Variants in NCKAP5 observed in about 807,000 individuals in gnomAD.
NCKAP5 encodes NCK associated protein 5.
In NCKAP5, 92 loss-of-function variants were observed where a neutral mutation model predicts 167.0. The observed-to-expected ratio is 0.55, with a 90% confidence interval of 0.47 to 0.66. The LOEUF is 0.66. Ranked by LOEUF, NCKAP5 falls within the 30% of genes least tolerant of loss-of-function variation. The pLI is 0.00. For missense variants in NCKAP5, 2,378 were observed against 2,315.0 expected, an observed-to-expected ratio of 1.03 and a Z score of -0.56; for synonymous variants, 891 against 877.4, an observed-to-expected ratio of 1.02 and a Z score of -0.27.
intron 8 of NCKAP5, among the ~76,000 whole-genome samples, chr2:132,934,106 T>C (rs977163957): frequency 2.6e-5 from 4 of 152,208 alleles, no homozygotes; most frequent in Admixed American, 6.5e-5. Context: ...ATTAGAAAAG[T>C]CATTATAACT....
At chr2:133,154,393 A>G (rs1230937572) in intron 5 of NCKAP5, among the ~76,000 whole-genome samples, 1 of 152,238 alleles carries the variant, frequency 6.6e-6, no homozygotes. Flanking sequence ...TGCCGAGTGC[A>G]TAATCAACAA....
intron 6 of NCKAP5, among the ~76,000 whole-genome samples, chr2:133,057,566 G>A (rs1352404799): frequency 2.6e-5 from 4 of 152,176 alleles, no homozygotes; most frequent in Non-Finnish European, 5.9e-5. Flanking sequence ...TTAAGCCAAA[G>A]CCTAGCCTGC....
chr2:132,720,025 C>T (rs1409817906), intron 19 of NCKAP5, among the ~76,000 whole-genome samples: 1 of 152,148 alleles, frequency 6.6e-6, no homozygotes, highest in Non-Finnish European at 1.5e-5. Context: ...TACTTTTTAC[C>T]AGCAAGGTCC....
At chr2:133,065,356 G>A (rs2080155097) in intron 6 of NCKAP5, among the ~76,000 whole-genome samples, 1 of 152,210 alleles carries the variant, frequency 6.6e-6, no homozygotes, top group Non-Finnish European at 1.5e-5. Flanking sequence ...GCCAGGCATG[G>A]TGGCTTATGC....
intron 3 of NCKAP5, among the ~76,000 whole-genome samples, chr2:133,489,513 ACTT>A (rs1329439538): frequency 6.6e-6 from 1 of 152,184 alleles, no homozygotes; most frequent in Non-Finnish European, 1.5e-5. Flanking sequence ...GGCAATTTTT[ACTT>A]CTAACACACA....
chr2:133,387,356 G>A (rs1485190298), intron 3 of NCKAP5, among the ~76,000 whole-genome samples: 1 of 152,170 alleles, frequency 6.6e-6, no homozygotes, highest in East Asian at 1.9e-4. Flanking sequence ...TTTTCTTTAA[G>A]AATGTTGAAT....
intron 6 of NCKAP5, 88 bp from the exon 7 acceptor site, chr2:132,994,327 G>C (rs927665988): frequency 1.6e-5 from 14 of 869,158 alleles, no homozygotes; most frequent in Admixed American, 2.8e-5. Flanking sequence ...TCTTCTATGC[G>C]TATTTCCCAA....
chr2:133,020,907 T>C (rs2078504335), intron 6 of NCKAP5, among the ~76,000 whole-genome samples: 1 of 152,122 alleles, frequency 6.6e-6, no homozygotes, highest in Admixed American at 6.5e-5. Context: ...GCGGAGCCCA[T>C]GGAGTGGAAG....
intron 4 of NCKAP5, among the ~76,000 whole-genome samples, chr2:133,239,030 G>C (rs2087555572): frequency 1.3e-5 from 2 of 152,102 alleles, no homozygotes; most frequent in Admixed American, 1.3e-4. Context: ...GTTAAAACAG[G>C]ATTTAAAATA....
chr2:133,624,958 AC>A, the NCKAP5 span, among the ~76,000 whole-genome samples: 1 of 152,118 alleles, frequency 6.6e-6, no homozygotes, highest in Non-Finnish European at 1.5e-5. Context: ...AAACAAAGTA[AC>A]CTGTATCTGG....
intron 3 of NCKAP5, among the ~76,000 whole-genome samples, chr2:133,389,052 C>G (rs924073199): frequency 1.3e-5 from 2 of 152,238 alleles, no homozygotes; most frequent in African/African-American, 4.8e-5. Context: ...CCTGCACCCA[C>G]TGTCCGACAA....
chr2:133,275,982 C>T (rs1217096524), intron 4 of NCKAP5, among the ~76,000 whole-genome samples: 3 of 151,868 alleles, frequency 2.0e-5, no homozygotes, highest in Non-Finnish European at 4.4e-5. Flanking sequence ...GTCTCCCGTT[C>T]TACCTCCTCC....
intron 5 of NCKAP5, among the ~76,000 whole-genome samples, chr2:133,152,559 T>A (rs2083419517): frequency 1.3e-5 from 2 of 152,172 alleles, no homozygotes; most frequent in Non-Finnish European, 1.5e-5. Flanking sequence ...TTCAGATGAA[T>A]GAATAAACAG....
At chr2:132,813,756 T>G (rs1686061128) in intron 11 of NCKAP5, among the ~76,000 whole-genome samples, 1 of 152,176 alleles carries the variant, frequency 6.6e-6, no homozygotes. Flanking sequence ...GAAGGGAAAA[T>G]GCAATGTCAG....
At chr2:132,854,169 C>T (rs6745260) in intron 11 of NCKAP5, among the ~76,000 whole-genome samples, 2 of 152,170 alleles carry the variant, frequency 1.3e-5, no homozygotes, top group African/African-American at 4.8e-5. Flanking sequence ...AGGAATCCTA[C>T]CTTGATTTCC....
At chr2:133,222,673 C>T (rs1047452360) in intron 4 of NCKAP5, among the ~76,000 whole-genome samples, 1 of 152,138 alleles carries the variant, frequency 6.6e-6, no homozygotes, top group South Asian at 2.1e-4. Flanking sequence ...ATAGGGCCCC[C>T]GGAGGCTCCT....
At chr2:133,142,782 C>T (rs747907419) in intron 5 of NCKAP5, among the ~76,000 whole-genome samples, 3 of 152,100 alleles carry the variant, frequency 2.0e-5, no homozygotes, top group Non-Finnish European at 4.4e-5. Context: ...AAGCCTTTGT[C>T]GCTGTGGACA....
chr2:133,569,449 T>C (rs2105064610), upstream of NCKAP5, among the ~76,000 whole-genome samples: 1 of 152,340 alleles, frequency 6.6e-6, no homozygotes, highest in Middle Eastern at 3.4e-3. Context: ...GTATTTTTAG[T>C]TTGTTTTTTA....
At chr2:132,877,408 A>G (rs1386195285) in intron 9 of NCKAP5, among the ~76,000 whole-genome samples, 4 of 152,220 alleles carry the variant, frequency 2.6e-5, no homozygotes, top group Non-Finnish European at 4.4e-5. Context: ...TAAGTAACCA[A>G]TACAAAGTGG....
Sources: allele counts gnomAD v4.1 joint callset (sites outside exome capture counted in the v4.1 genomes callset), GRCh38; gene constraint gnomAD v4.1.1; transcripts MANE v1.5; gene names NCBI Gene and HGNC (gene_info 2026-07-23, HGNC 2026-07-21).